The following SLC14A2 variants were observed in gnomAD, a reference collection of about 807,000 sequenced individuals.
SLC14A2 encodes solute carrier family 14 member 2.
SLC14A2 carries 91 observed loss-of-function variants against 104.6 expected under a neutral mutation model. The ratio of observed to expected loss-of-function variants is 0.87; its 90% CI spans 0.73 to 1.04. The LOEUF (loss-of-function observed/expected upper bound fraction) is 1.04. Among genes scored for constraint, SLC14A2 ranks in the 50% least tolerant of loss-of-function variants. The pLI is 0.00. For synonymous variants in SLC14A2, 476 were observed against 466.4 expected, an observed-to-expected ratio of 1.02 and a Z score of -0.27; for missense variants, 1,189 against 1,156.0, an observed-to-expected ratio of 1.03 and a Z score of -0.41.
intron 18 of SLC14A2, among the ~76,000 whole-genome samples, chr18:45,675,705 ATATATTT>A (rs1487923514): frequency 1.5e-5 from 1 of 66,514 alleles, no homozygotes; most frequent in African/African-American, 5.4e-5. Context: ...ATATATATAT[ATATATTT>A]TTTTTTTTTT....
chr18:45,500,542 A>G (rs904671214), intron 2 of SLC14A2, among the ~76,000 whole-genome samples: 1 of 137,270 alleles, frequency 7.3e-6, no homozygotes, highest in Admixed American at 8.5e-5. Flanking sequence ...GCGCCACTGC[A>G]CTCCAGCCTG....
At chr18:45,576,835 C>T (rs750526099) in intron 2 of SLC14A2, among the ~76,000 whole-genome samples, 3 of 152,096 alleles carry the variant, frequency 2.0e-5, no homozygotes, top group Non-Finnish European at 4.4e-5. Context: ...CATGGCACGC[C>T]GAGGGGAGCC....
At chr18:45,485,576 C>T (rs1427832594) in intron 2 of SLC14A2, among the ~76,000 whole-genome samples, 1 of 152,110 alleles carries the variant, frequency 6.6e-6, no homozygotes, top group African/African-American at 2.4e-5. Context: ...AATGGGTGCC[C>T]TCCAGTTTGG....
chr18:45,565,695 C>T (rs1286542075), intron 2 of SLC14A2, among the ~76,000 whole-genome samples: 4 of 152,320 alleles, frequency 2.6e-5, no homozygotes, highest in Non-Finnish European at 4.4e-5. Context: ...GCACACGCAT[C>T]GGCTCCTACC....
chr18:45,338,623 C>G (rs1287633583), intron 1 of SLC14A2, among the ~76,000 whole-genome samples: 3 of 144,890 alleles, frequency 2.1e-5, no homozygotes, highest in African/African-American at 7.8e-5. Context: ...CACGACAGGC[C>G]CACTTTCTCA....
intron 1 of SLC14A2, among the ~76,000 whole-genome samples, chr18:45,261,948 G>A (rs1273336383): frequency 2.0e-5 from 3 of 152,152 alleles, no homozygotes; most frequent in Non-Finnish European, 2.9e-5. Context: ...GGGTCAAATG[G>A]TATTTCTAGT....
chr18:45,632,022 T>G (rs948956969), intron 4 of SLC14A2, among the ~76,000 whole-genome samples: 21 of 152,088 alleles, frequency 1.4e-4, no homozygotes, highest in African/African-American at 4.8e-4. Flanking sequence ...ACACCTCAGG[T>G]TTCTATTATA....
chr18:45,629,858 T>C (rs1187936257), intron 4 of SLC14A2, among the ~76,000 whole-genome samples: 1 of 152,236 alleles, frequency 6.6e-6, no homozygotes, highest in Non-Finnish European at 1.5e-5. Flanking sequence ...AAGTGTCATT[T>C]GATGGGTCCT....
chr18:45,420,426 A>T (rs2086330733), intron 1 of SLC14A2, among the ~76,000 whole-genome samples: 2 of 152,156 alleles, frequency 1.3e-5, no homozygotes, highest in South Asian at 4.1e-4. Flanking sequence ...AGATCCACAG[A>T]TCCACACGAG....
chr18:45,430,235 C>T, intron 1 of SLC14A2, among the ~76,000 whole-genome samples: 1 of 152,112 alleles, frequency 6.6e-6, no homozygotes, highest in East Asian at 1.9e-4. Flanking sequence ...CCCCAAATCA[C>T]ATAGTTGGTT....
intron 5 of SLC14A2, among the ~76,000 whole-genome samples, chr18:45,635,702 C>G (rs1429944923): frequency 6.6e-6 from 1 of 152,190 alleles, no homozygotes; most frequent in African/African-American, 2.4e-5. Context: ...GGAGCCACAG[C>G]TGGAGTGGCC....
At chr18:45,581,807 G>A (rs2044497143) in intron 2 of SLC14A2, among the ~76,000 whole-genome samples, 3 of 152,176 alleles carry the variant, frequency 2.0e-5, no homozygotes, top group African/African-American at 7.2e-5. Context: ...TAGTCTCTGA[G>A]CAGCACTACT....
At position 45,495,994 on chromosome 18, in the gene SLC14A2, C is replaced by T. The variant is rs1011307287; in HGVS notation, c.-35+12672C>T. Among the ~76,000 whole-genome samples the T allele has an allele frequency of 5.3e-5, 8 of 152,172 alleles. No homozygotes were observed. In the East Asian group the frequency reaches 1.2e-3, roughly 22 times the overall value. On this transcript the variant is annotated intron_variant, in intron 2 of 20. Transcript: ENST00000586448. ...TGTGAGCAAAGGCCTCATGAAGCTC[C>T]GTGTGGCAACACCAGTTTCCTGGGG...
chr18:45,613,066 ACT>A (rs1359477881), upstream of SLC14A2, among the ~76,000 whole-genome samples: 5 of 151,838 alleles, frequency 3.3e-5, no homozygotes, highest in East Asian at 9.7e-4. Flanking sequence ...AGACAGTCTC[ACT>A]CTGTCGCCCA....
rs750147668 is a variant in SLC14A2 at position 45,669,539 on chromosome 18, T to G, written c.2229+41T>G. ...GGAGGAAGGGCAGGTCTGTCCACAC[T>G]GGATGTTACTGGCATTTGCATATTT... On this transcript the variant is annotated intron_variant, in intron 16 of 19. Transcript: ENST00000255226. The G allele has an allele frequency of 4.0e-6, 6 of 1,496,742 alleles. No homozygotes were observed. In the Admixed American group the frequency reaches 1.2e-4, roughly 29 times the overall value. 92.7% of individuals were successfully genotyped at this position (1,496,742 alleles called of 1,614,324 possible).
intron 2 of SLC14A2, among the ~76,000 whole-genome samples, chr18:45,511,543 T>A (rs763782213): frequency 1.8e-4 from 28 of 152,178 alleles, no homozygotes; most frequent in Non-Finnish European, 3.2e-4. Flanking sequence ...GATTACCTTA[T>A]CACAGTGGTT....
intron 1 of SLC14A2, among the ~76,000 whole-genome samples, chr18:45,345,124 G>A (rs976519038): frequency 2.6e-5 from 4 of 152,114 alleles, no homozygotes; most frequent in East Asian, 1.9e-4. Flanking sequence ...TGTTCATAAA[G>A]GTGCTTCATG....
intron 1 of SLC14A2, among the ~76,000 whole-genome samples, chr18:45,426,698 TACACACACACAC>T (rs34456057): frequency 2.1e-5 from 3 of 141,000 alleles, no homozygotes; most frequent in Admixed American, 7.2e-5. Context: ...TATACATACA[TACACACACACAC>T]ACACACACAC....
At chr18:45,512,313 T>C (rs569065654) in intron 2 of SLC14A2, among the ~76,000 whole-genome samples, 2 of 151,808 alleles carry the variant, frequency 1.3e-5, no homozygotes, top group African/African-American at 4.8e-5. Flanking sequence ...CAGACTAGCA[T>C]GGAAGGAGTG....
Sources: gnomAD v4.1 joint callset for allele counts (sites outside exome capture counted in the v4.1 genomes callset) on GRCh38, gnomAD v4.1.1 for gene constraint, MANE v1.5 for transcripts, NCBI Gene and HGNC (gene_info 2026-07-23, HGNC 2026-07-21) for gene names.